The following B3GALT1 variants were observed in gnomAD, a reference collection of about 807,000 sequenced individuals.
B3GALT1 encodes the protein UDP-Gal:betaGlcNAc beta 1,3-galactosyltransferase, polypeptide 1.
A neutral mutation model predicts 23.2 loss-of-function variants in B3GALT1; 10 were observed. The ratio of observed to expected loss-of-function variants is 0.43; its 90% CI spans 0.27 to 0.73. The LOEUF (loss-of-function observed/expected upper bound fraction) is 0.73, where lower values mean the gene tolerates loss of function less well. Ranked by LOEUF, B3GALT1 falls within the 30% of genes least tolerant of loss-of-function variation. The probability of loss-of-function intolerance (pLI) is 0.21; values close to 1 mark genes in which losing one functional copy is unlikely to be tolerated. For synonymous variants in B3GALT1, 156 were observed against 141.5 expected (o/e 1.10, Z -0.73); for missense variants, 299 against 405.4 (o/e 0.74, Z 2.25).
At chr2:167,603,466 G>A (rs921340290) in intron 2 of B3GALT1, among the ~76,000 whole-genome samples, 15 of 152,198 alleles carry the variant, frequency 9.9e-5, no homozygotes, top group African/African-American at 3.6e-4. Context: ...TCATGGGATT[G>A]TTGTGAGAGC....
At chr2:167,433,754 G>A (rs750025529) in intron 1 of B3GALT1, among the ~76,000 whole-genome samples, 7 of 152,074 alleles carry the variant, frequency 4.6e-5, no homozygotes, top group Non-Finnish European at 7.4e-5. Flanking sequence ...CAAATTAAAC[G>A]AAAATTCTAT....
intron 1 of B3GALT1, among the ~76,000 whole-genome samples, chr2:167,441,844 A>C (rs947786467): frequency 3.3e-5 from 5 of 151,736 alleles, no homozygotes; most frequent in Non-Finnish European, 7.4e-5. Flanking sequence ...GCCAGACAGC[A>C]TAGCAAGATC....
intron 3 of B3GALT1, among the ~76,000 whole-genome samples, chr2:167,808,925 C>G (rs948143725): frequency 1.3e-5 from 2 of 152,216 alleles, no homozygotes; most frequent in African/African-American, 4.8e-5. Context: ...GTACACCAAT[C>G]AGACGTAGAT....
chr2:167,588,950 C>T (rs1283751881), intron 2 of B3GALT1, among the ~76,000 whole-genome samples: 1 of 137,832 alleles, frequency 7.3e-6, no homozygotes, highest in African/African-American at 2.7e-5. Flanking sequence ...TTCTTCCCTC[C>T]TTGTTTTTTA....
chr2:167,557,826 C>T (rs570885462), intron 2 of B3GALT1, among the ~76,000 whole-genome samples: 2 of 152,276 alleles, frequency 1.3e-5, no homozygotes, highest in African/African-American at 2.4e-5. Context: ...AGCGAAATTG[C>T]GTCCTGGGAA....
intron 2 of B3GALT1, among the ~76,000 whole-genome samples, chr2:167,503,127 G>T (rs1014971593): frequency 1.4e-4 from 22 of 152,086 alleles, no homozygotes; most frequent in African/African-American, 5.3e-4. Context: ...ATTACTTTAT[G>T]ACATATAAAC....
At chr2:167,560,478 A>G (rs1164254225) in intron 2 of B3GALT1, among the ~76,000 whole-genome samples, 3 of 152,214 alleles carry the variant, frequency 2.0e-5, no homozygotes, top group African/African-American at 2.4e-5. Flanking sequence ...ATGTAAATGG[A>G]CTAAATGCTC....
At chr2:167,863,376 T>C (rs1038022021) in intron 4 of B3GALT1, among the ~76,000 whole-genome samples, 4 of 152,210 alleles carry the variant, frequency 2.6e-5, no homozygotes, top group South Asian at 2.1e-4. Context: ...TCACTCACAA[T>C]AGATCCTGCA....
chr2:167,814,354 A>C (rs753796259), intron 3 of B3GALT1, among the ~76,000 whole-genome samples: 1 of 152,176 alleles, frequency 6.6e-6, no homozygotes, highest in Non-Finnish European at 1.5e-5. Flanking sequence ...AGAAATCCTG[A>C]GATTAGATTA....
chr2:167,751,600 C>T (rs1477566076), intron 3 of B3GALT1, among the ~76,000 whole-genome samples: 4 of 152,128 alleles, frequency 2.6e-5, no homozygotes, highest in African/African-American at 9.7e-5. Context: ...AACAGTCAGT[C>T]CCAGCAGAGA....
intron 1 of B3GALT1, among the ~76,000 whole-genome samples, chr2:167,453,407 A>G (rs1699118683): frequency 6.6e-6 from 1 of 152,186 alleles, no homozygotes; most frequent in Admixed American, 6.5e-5. Context: ...TCCCATTTAT[A>G]TTTCCTAAAT....
At chr2:167,452,084 C>T (rs938069888) in intron 1 of B3GALT1, among the ~76,000 whole-genome samples, 11 of 152,148 alleles carry the variant, frequency 7.2e-5, no homozygotes, top group Admixed American at 2.6e-4. Context: ...GAGCTGAGAA[C>T]TTGCCCCGGG....
At chr2:167,816,155 A>G (rs546481277) in intron 3 of B3GALT1, among the ~76,000 whole-genome samples, 7 of 152,308 alleles carry the variant, frequency 4.6e-5, no homozygotes, top group African/African-American at 1.4e-4. Context: ...AGATGTCATT[A>G]TCTCTTAGGA....
At chr2:167,771,414 AC>A (rs981577972) in intron 3 of B3GALT1, among the ~76,000 whole-genome samples, 2 of 152,052 alleles carry the variant, frequency 1.3e-5, no homozygotes, top group African/African-American at 4.8e-5. Context: ...ACATGGTGAA[AC>A]CCCATCTCAA....
intron 2 of B3GALT1, among the ~76,000 whole-genome samples, chr2:167,602,421 C>T (rs1684893657): frequency 6.6e-6 from 1 of 152,148 alleles, no homozygotes; most frequent in South Asian, 2.1e-4. Context: ...ACTAAAACCA[C>T]TTTAGAAATA....
At chr2:167,838,007 T>C (rs552494268) in intron 4 of B3GALT1, among the ~76,000 whole-genome samples, 5 of 151,484 alleles carry the variant, frequency 3.3e-5, no homozygotes, top group Non-Finnish European at 7.4e-5. Flanking sequence ...TACCAGAATC[T>C]CTGGGACACA....
intron 2 of B3GALT1, among the ~76,000 whole-genome samples, chr2:167,605,378 G>A (rs936658173): frequency 3.3e-5 from 5 of 152,162 alleles, no homozygotes; most frequent in Non-Finnish European, 4.4e-5. Context: ...CATGGTGTTG[G>A]CTAAGTCTGT....
chr2:167,311,065 T>A (rs1022020109), intron 1 of B3GALT1, among the ~76,000 whole-genome samples: 7 of 152,266 alleles, frequency 4.6e-5, no homozygotes, highest in African/African-American at 1.7e-4. Context: ...AAGTTAAATA[T>A]GCTAAATAAC....
In B3GALT1 at chr2:167,628,545, G is replaced by C. The variant is rs147764899; in HGVS notation, c.-409-18364G>C. On this transcript the variant is annotated intron_variant, in intron 2 of 4. Coordinates refer to ENST00000392690, the MANE Select transcript of B3GALT1 (RefSeq NM_020981.4). ...TCACCTTGATCCTCAGCCACCAGTA[G>C]GATTTCTGTAGAGTGGTAAAAATAA... Among the ~76,000 whole-genome samples, 708 of 151,784 alleles carry C rather than the reference G, an allele frequency of 4.7e-3. 7 individuals are homozygous for C. The highest frequency in any genetic ancestry group is 0.016 in the African/African-American group (681 of 41,480).
Sources: allele counts gnomAD v4.1 joint callset (sites outside exome capture counted in the v4.1 genomes callset), GRCh38; gene constraint gnomAD v4.1.1; transcripts MANE v1.5; gene names NCBI Gene and HGNC (gene_info 2026-07-23, HGNC 2026-07-21).